Variants in ANKMY1 observed in about 807,000 individuals in gnomAD.
The protein encoded by ANKMY1 is ankyrin repeat and MYND domain containing 1, also known as ankyrin repeat and MYND domain-containing protein 1.
ANKMY1 carries 98 observed loss-of-function variants against 102.0 expected under a neutral mutation model. That is an observed-to-expected ratio of 0.96 (90% CI 0.82 to 1.14). ANKMY1 has a LOEUF of 1.14. Ranked by LOEUF, ANKMY1 falls within the 50% of genes most tolerant of loss-of-function variation. ANKMY1 has a pLI of 0.00. For synonymous variants in ANKMY1, 582 were observed against 559.9 expected (o/e 1.04, Z -0.56); for missense variants, 1,330 against 1,347.6 (o/e 0.99, Z 0.20).
At chr2:240,470,290 ATG>A in the ANKMY1 span, among the ~76,000 whole-genome samples, 1 of 152,214 alleles carries the variant, frequency 6.6e-6, no homozygotes, top group East Asian at 1.9e-4. Context: ...AACAGACAGC[ATG>A]TGTCACAGCC....
At chr2:240,551,176 C>G (rs1419293158) in intron 4 of ANKMY1, among the ~76,000 whole-genome samples, 2 of 149,988 alleles carry the variant, frequency 1.3e-5, no homozygotes, top group Admixed American at 6.6e-5. Context: ...TGAAATATTG[C>G]TGATTCTTCT....
chr2:240,502,137 T>A (rs926014584), intron 13 of ANKMY1, among the ~76,000 whole-genome samples: 1 of 151,980 alleles, frequency 6.6e-6, no homozygotes, highest in African/African-American at 2.4e-5. Context: ...GACCTTTCCC[T>A]GCCCAATGTT....
At chr2:240,507,939 G>GAAA (rs2079396471) in intron 12 of ANKMY1, 1 of 384,590 alleles carries the variant, frequency 2.6e-6, no homozygotes. Context: ...ACTCCACCCA[G>GAAA]GTGGGCCAGT....
chr2:240,535,889 A>G (rs1278105440), intron 4 of ANKMY1, among the ~76,000 whole-genome samples: 2 of 150,602 alleles, frequency 1.3e-5, no homozygotes, highest in African/African-American at 4.9e-5. Flanking sequence ...AGTAAAAGTG[A>G]CCCAAGCACA....
At chr2:240,507,771 C>T (rs1401555646) in intron 12 of ANKMY1, 80 bp from the exon 13 acceptor site, 2 of 1,468,282 alleles carry the variant, frequency 1.4e-6, no homozygotes, top group Non-Finnish European at 1.8e-6. Flanking sequence ...GGCTGGGCCA[C>T]TCCAGAACTA....
intron 2 of ANKMY1, 69 bp downstream of exon 2, chr2:240,557,121 A>C: frequency 7.2e-7 from 1 of 1,382,314 alleles, no homozygotes. Context: ...TGCTTGCCTT[A>C]AGGAGAATCC....
chr2:240,541,846 A>T (rs946858029), intron 4 of ANKMY1, among the ~76,000 whole-genome samples: 1 of 152,024 alleles, frequency 6.6e-6, no homozygotes, highest in Non-Finnish European at 1.5e-5. Flanking sequence ...AGTCTGTTTC[A>T]GGTGATGTTC....
At chr2:240,508,164 C>T (rs778340296) in intron 12 of ANKMY1, among the ~76,000 whole-genome samples, 5 of 152,266 alleles carry the variant, frequency 3.3e-5, no homozygotes, top group Non-Finnish European at 5.9e-5. Context: ...AGGCACACCT[C>T]CCTTCTCCCT....
chr2:240,490,622 T>A (rs2076536414), intron 15 of ANKMY1, among the ~76,000 whole-genome samples: 1 of 152,180 alleles, frequency 6.6e-6, no homozygotes, highest in South Asian at 2.1e-4. Flanking sequence ...GTAGAAATTA[T>A]GCATTTGTAT....
downstream of ANKMY1, among the ~76,000 whole-genome samples, chr2:240,475,491 C>G (rs1471428878): frequency 1.3e-5 from 2 of 151,730 alleles, no homozygotes; most frequent in African/African-American, 2.4e-5. Flanking sequence ...AAATACTTAG[C>G]AATAAATTTA....
At chr2:240,476,708 C>A (rs2074879562), downstream of ANKMY1, among the ~76,000 whole-genome samples, 1 of 152,214 alleles carries the variant, frequency 6.6e-6, no homozygotes, top group Non-Finnish European at 1.5e-5. Context: ...ATCTAGATAG[C>A]TGGCTCTCAA....
At chr2:240,553,819 C>T (rs1285346017) in intron 3 of ANKMY1, 1 of 152,140 alleles carries the variant, frequency 6.6e-6, no homozygotes, top group African/African-American at 2.4e-5. Context: ...CACTAGAACC[C>T]TGGAGGCAGA....
chr2:240,512,028 CGCCCACGGACCTGCCGTGT>C (rs1559289554), intron 10 of ANKMY1, 27 bp from the exon 11 acceptor site: 5 of 1,513,366 alleles, frequency 3.3e-6, no homozygotes, highest in Non-Finnish European at 4.4e-6. Flanking sequence ...GCTCCGCCAG[CGCCCACGGACCTGCCGTGT>C]GCCCACGGGA....
upstream of ANKMY1, chr2:240,561,058 G>T: frequency 1.3e-6 from 2 of 1,497,906 alleles, no homozygotes; most frequent in Non-Finnish European, 1.8e-6. Context: ...CGCGGCCTCA[G>T]CCTGGCGAAG....
chr2:240,482,010 T>TCTTGGTTGAAG (rs1559223387), intron 16 of ANKMY1, among the ~76,000 whole-genome samples, 173 bp downstream of exon 16: 1 of 152,034 alleles, frequency 6.6e-6, no homozygotes, highest in Non-Finnish European at 1.5e-5. Flanking sequence ...CTGCACCTCA[T>TCTTGGTTGAAG]CTTGGTTGAA....
rs1455927167 is a variant in ANKMY1, at chr2:240,499,614, C to T, written c.2806+344G>A. Among the ~76,000 whole-genome samples the T allele has an allele frequency of 6.6e-6, 1 of 151,980 alleles. No individual in the cohort carries two copies. Among genetic ancestry groups the T allele is most frequent in the Admixed American group, 6.6e-5 (1 of 15,262 alleles). On this transcript the variant is annotated intron_variant, in intron 15 of 17. Coordinates refer to ENST00000401804, the MANE Select transcript of ANKMY1 (RefSeq NM_001282771.3). This position sits in a 1 kb window ranked among gnomAD's most constrained non-coding sequence, Gnocchi z 4.2. ...CATGCAGGGGAGCAGCACCCCAGGCCTCGGGCCCACAGTCCCTGTGCCGGA... is the reference window on the plus strand; with the variant it reads ...CATGCAGGGGAGCAGCACCCCAGGCTTCGGGCCCACAGTCCCTGTGCCGGA...
chr2:240,482,611 A>C (rs7340397), intron 15 of ANKMY1, among the ~76,000 whole-genome samples: 25,495 of 152,260 alleles, frequency 0.17, 2,177 homozygotes, highest in African/African-American at 0.18. Flanking sequence ...TGAGTTTCCC[A>C]AATGTCCTTC....
rs1277729456 is a variant in ANKMY1 at position 240,483,359 on chromosome 2, A to C, written c.2807-1098T>G. ...TTTAGTAGAGACAGGGTTTCACCGTATTGGCCAGGCTGGTCTCAAACCCCT... is the reference window on the plus strand; with the variant it reads ...TTTAGTAGAGACAGGGTTTCACCGTCTTGGCCAGGCTGGTCTCAAACCCCT... On this transcript the variant is annotated intron_variant, in intron 15 of 17. Coordinates refer to ENST00000401804, the MANE Select transcript of ANKMY1 (RefSeq NM_001282771.3). Among the ~76,000 whole-genome samples, 4 of 151,960 alleles carry C rather than the reference A, an allele frequency of 2.6e-5. 1 individual carries two copies. The South Asian group carries it at 8.3e-4, about 32-fold the overall frequency.
intron 7 of ANKMY1, 67 bp downstream of exon 7, chr2:240,525,618 G>A: frequency 6.5e-7 from 1 of 1,543,344 alleles, no homozygotes; most frequent in Non-Finnish European, 8.8e-7. Context: ...AGGCTTGGTG[G>A]ACATTTACAG....
Sources: gnomAD v4.1 joint callset for allele counts (sites outside exome capture counted in the v4.1 genomes callset) on GRCh38, gnomAD v4.1.1 for gene constraint, Gnocchi (gnomAD v3.1) non-coding constraint, MANE v1.5 for transcripts, NCBI Gene and HGNC (gene_info 2026-07-23, HGNC 2026-07-21) for gene names.